The following CELF4 variants were observed in gnomAD, a reference collection of about 807,000 sequenced individuals.
CELF4 encodes the protein CUG-BP- and ETR-3-like factor 4.
CELF4 carries 18 observed loss-of-function variants against 59.9 expected under a neutral mutation model. The observed-to-expected ratio is 0.30, with a 90% CI of 0.21 to 0.45. CELF4 has a LOEUF of 0.45. Ranked by LOEUF, CELF4 falls within the 20% of genes least tolerant of loss-of-function variation. The probability of loss-of-function intolerance (pLI) is 1.00; values close to 1 mark genes in which losing one functional copy is unlikely to be tolerated. For missense variants in CELF4, 456 were observed against 689.0 expected (o/e 0.66, Z 3.79); for synonymous variants, 261 against 267.1 (o/e 0.98, Z 0.22).
At chr18:37,444,843 A>G (rs1028762560) in intron 2 of CELF4, among the ~76,000 whole-genome samples, 2 of 152,092 alleles carry the variant, frequency 1.3e-5, no homozygotes, top group African/African-American at 4.8e-5. Flanking sequence ...TCTGAGAGAC[A>G]CTAGGTATGG....
At chr18:37,344,699 C>A (rs769436446) in intron 2 of CELF4, among the ~76,000 whole-genome samples, 1 of 152,224 alleles carries the variant, frequency 6.6e-6, no homozygotes, top group Admixed American at 6.5e-5. Context: ...ATGCACTAAC[C>A]CCATGTTACA....
chr18:37,347,446 CT>C (rs1252284376), intron 2 of CELF4, among the ~76,000 whole-genome samples: 5 of 152,166 alleles, frequency 3.3e-5, no homozygotes, highest in African/African-American at 1.2e-4. Context: ...ACACTTGGCT[CT>C]CTGTGCCTGA....
At chr18:37,528,616 AGT>A (rs1408928254) in intron 1 of CELF4, among the ~76,000 whole-genome samples, 1 of 152,194 alleles carries the variant, frequency 6.6e-6, no homozygotes, top group Non-Finnish European at 1.5e-5. Context: ...CACAACAGAA[AGT>A]GTGTGTGGGT....
intron 1 of CELF4, among the ~76,000 whole-genome samples, chr18:37,530,625 T>A (rs2154605031): frequency 6.6e-6 from 1 of 152,174 alleles, no homozygotes; most frequent in South Asian, 2.1e-4. Context: ...CTCAGTCCGA[T>A]GGGGTAGGGG....
chr18:37,314,175 G>A (rs1393620781), intron 3 of CELF4, among the ~76,000 whole-genome samples: 1 of 152,158 alleles, frequency 6.6e-6, no homozygotes, highest in African/African-American at 2.4e-5. Context: ...CCGGCCACAC[G>A]GTGGCTCACG....
chr18:37,398,021 G>C (rs976253834), intron 2 of CELF4, among the ~76,000 whole-genome samples: 4 of 152,142 alleles, frequency 2.6e-5, no homozygotes, highest in Non-Finnish European at 5.9e-5. Flanking sequence ...ACTCAGGCCC[G>C]GGTCAGTGGC....
chr18:37,272,819 C>A (rs1028505508), intron 7 of CELF4, among the ~76,000 whole-genome samples, 197 bp downstream of exon 7: 1 of 152,224 alleles, frequency 6.6e-6, no homozygotes, highest in African/African-American at 2.4e-5. Flanking sequence ...CTGCATGGGT[C>A]CCATATCTCA....
At chr18:37,471,040 G>C (rs2099824254) in intron 2 of CELF4, among the ~76,000 whole-genome samples, 1 of 152,098 alleles carries the variant, frequency 6.6e-6, no homozygotes, top group Non-Finnish European at 1.5e-5. Flanking sequence ...CCTGAATGGA[G>C]ACTTTCTCAT....
chr18:37,413,259 G>A (rs529232003), intron 2 of CELF4, among the ~76,000 whole-genome samples: 2 of 152,208 alleles, frequency 1.3e-5, no homozygotes, highest in African/African-American at 4.8e-5. Flanking sequence ...TTCACGTGTG[G>A]GTGGACATGT....
chr18:37,516,798 G>A (rs768572739), intron 1 of CELF4, among the ~76,000 whole-genome samples: 24 of 152,210 alleles, frequency 1.6e-4, no homozygotes, highest in Non-Finnish European at 3.1e-4. Context: ...CACCCCCACA[G>A]CTGGCATGGG....
intron 2 of CELF4, among the ~76,000 whole-genome samples, chr18:37,364,533 G>T (rs1421889478): frequency 6.6e-6 from 1 of 152,168 alleles, no homozygotes; most frequent in African/African-American, 2.4e-5. Flanking sequence ...TAGAGGCATG[G>T]CTGTGGTCTG....
At chr18:37,283,847 G>A (rs1245265983) in intron 3 of CELF4, among the ~76,000 whole-genome samples, 4 of 97,596 alleles carry the variant, frequency 4.1e-5, no homozygotes, top group Non-Finnish European at 8.7e-5. Context: ...GGGCACTGCG[G>A]GCCAGGGAAC....
intron 2 of CELF4, among the ~76,000 whole-genome samples, chr18:37,322,520 T>C (rs2097158584): frequency 6.6e-6 from 1 of 152,148 alleles, no homozygotes; most frequent in Non-Finnish European, 1.5e-5. Context: ...GGTGTCTGGG[T>C]GCCAGGAGGA....
intron 1 of CELF4, among the ~76,000 whole-genome samples, chr18:37,488,993 A>G (rs1394264389): frequency 6.6e-6 from 1 of 152,224 alleles, no homozygotes; most frequent in Non-Finnish European, 1.5e-5. Context: ...CAGCCTCTAC[A>G]GACTTCACTA....
intron 1 of CELF4, among the ~76,000 whole-genome samples, chr18:37,547,129 C>A (rs2099981645): frequency 7.0e-6 from 1 of 142,202 alleles, no homozygotes; most frequent in Non-Finnish European, 1.6e-5. Flanking sequence ...CAACAATTAA[C>A]CCTTTGCTTA....
At chr18:37,458,516 AT>A (rs2099784946) in intron 2 of CELF4, among the ~76,000 whole-genome samples, 1 of 152,166 alleles carries the variant, frequency 6.6e-6, no homozygotes, top group Non-Finnish European at 1.5e-5. Context: ...TCAACCTGCT[AT>A]TTTTGGGGAC....
In CELF4 at chr18:37,245,300, G is replaced by C. The variant is rs1287415522; in HGVS notation, c.*45-103C>G. The C allele has an allele frequency of 6.6e-6, 1 of 152,098 alleles. No homozygotes were observed. The highest frequency in any genetic ancestry group is 1.5e-5 in the Non-Finnish European group (1 of 68,028). The allele number at this position is 152,098 out of a possible 1,614,324, so 9.4% of individuals were successfully genotyped here. Reference sequence around the variant, plus strand: ...CTCAGGGGCTAGGATGGGAGCTCTAGGGGATGGTGGGAGGGAAGGAAGAGA... The same window carrying C: ...CTCAGGGGCTAGGATGGGAGCTCTACGGGATGGTGGGAGGGAAGGAAGAGA... On this transcript the variant is annotated intron_variant, in intron 12 of 12. Coordinates refer to ENST00000420428, the MANE Select transcript of CELF4 (RefSeq NM_020180.4). This position sits in a 1 kb window ranked among gnomAD's most constrained non-coding sequence, Gnocchi z 4.1.
At chr18:37,475,358 T>C (rs1411919453) in intron 2 of CELF4, among the ~76,000 whole-genome samples, 3 of 152,226 alleles carry the variant, frequency 2.0e-5, no homozygotes, top group Non-Finnish European at 2.9e-5. Context: ...TTGAGTGACA[T>C]GGCTCAGATG....
intron 2 of CELF4, among the ~76,000 whole-genome samples, chr18:37,371,350 C>T (rs1279461363): frequency 6.6e-6 from 1 of 152,170 alleles, no homozygotes; most frequent in Non-Finnish European, 1.5e-5. Context: ...TGGCCAAGGC[C>T]CCAGGGTGCT....
Sources: allele counts gnomAD v4.1 joint callset (sites outside exome capture counted in the v4.1 genomes callset), GRCh38; gene constraint gnomAD v4.1.1; non-coding constraint Gnocchi (gnomAD v3.1); transcripts MANE v1.5; gene names NCBI Gene and HGNC (gene_info 2026-07-23, HGNC 2026-07-21).